GLDC: variants seen among roughly 807,000 people sequenced by gnomAD.
GLDC encodes glycine decarboxylase.
Under a neutral mutation model 121.3 loss-of-function variants are expected in GLDC, and 104 were observed. The ratio of observed to expected loss-of-function variants is 0.86; its 90% CI spans 0.73 to 1.01. The LOEUF is 1.01. GLDC is among the 50% of genes least tolerant of loss of function. The pLI is 0.00. For missense variants in GLDC, 1,429 were observed against 1,306.6 expected (o/e 1.09, Z -1.44); for synonymous variants, 546 against 480.6 (o/e 1.14, Z -1.78).
At chr9:6,538,285 G>A (rs745610977) in intron 22 of GLDC, among the ~76,000 whole-genome samples, 4 of 152,070 alleles carry the variant, frequency 2.6e-5, no homozygotes, top group Non-Finnish European at 5.9e-5. Context: ...GGAAGTCCAA[G>A]GTAGGGTCCA....
At position 6,581,339 on chromosome 9, in the gene GLDC, A is replaced by C. The variant is rs566919213; in HGVS notation, c.1850+5802T>G. Among the ~76,000 whole-genome samples the C allele has an allele frequency of 1.8e-4, 28 of 152,232 alleles. No individual in the cohort carries two copies. In the South Asian group the frequency reaches 5.4e-3, roughly 29 times the overall value. On this transcript the variant is annotated intron_variant, in intron 15 of 24. Coordinates refer to ENST00000321612, the MANE Select transcript of GLDC (RefSeq NM_000170.3). ...ATGGTGATAACCTGGTCACTAATAC[A>C]ACCTTTTCCAGCTTTCCTCACTTCC...
intron 16 of GLDC, among the ~76,000 whole-genome samples, chr9:6,563,760 T>C (rs1028027852): frequency 2.0e-5 from 3 of 152,204 alleles, no homozygotes; most frequent in African/African-American, 7.2e-5. Context: ...TTCACTTCTC[T>C]CTGGACTGGC....
intron 15 of GLDC, among the ~76,000 whole-genome samples, chr9:6,566,261 T>G (rs1227140060): frequency 6.6e-6 from 1 of 152,140 alleles, no homozygotes; most frequent in Non-Finnish European, 1.5e-5. Flanking sequence ...AATAAATAAC[T>G]ACAAACACAA....
At chr9:6,581,023 C>T (rs1199025957) in intron 15 of GLDC, among the ~76,000 whole-genome samples, 1 of 152,224 alleles carries the variant, frequency 6.6e-6, no homozygotes, top group East Asian at 1.9e-4. Flanking sequence ...ACTCAAGCAT[C>T]TCTGCCTCTC....
intron 24 of GLDC, 145 bp downstream of exon 24, chr9:6,534,563 T>C (rs2129644519): frequency 1.5e-6 from 1 of 653,184 alleles, no homozygotes; most frequent in South Asian, 1.6e-5. Context: ...CCAATTTCTT[T>C]GCTCCTCATT....
At position 6,536,214 on chromosome 9, in the gene GLDC, G is replaced by A; in HGVS notation, c.2688C>T (p.Ser896=). The A allele has an allele frequency of 6.2e-7, 1 of 1,613,960 alleles. No homozygotes were observed. Among genetic ancestry groups the A allele is most frequent in the Non-Finnish European group, 8.5e-7 (1 of 1,179,946 alleles). The change falls in exon 23 of 25, where the codon TCC becomes TCT. Residue 896 remains serine, a synonymous_variant. Transcript: ENST00000321612. ...QDYGFHAPTM[S]WPVAGTLMVE... is the part of the protein sequence containing the mutation. ...CCATGAGGGTCCCTGCCACAGGCCA[G>A]GACATGGTAGGGGCGTGAAATCCTG...
rs993822316 is a variant in GLDC, at chr9:6,553,368, C to T, written c.2457G>A (p.Lys819=). ...SILPISWAYI[K]MMGGKGLKQA... ...ACCTGCACATACTCCCAGGCCTCAC[C>T]TTGATATAAGCCCAGGAAATGGGCA... is the stretch of plus-strand genomic sequence containing the variant. The change falls in exon 20 of 25, where the codon AAG becomes AAA. Residue 819 remains lysine, a splice_region_variant and synonymous_variant. Transcript: ENST00000321612. The T allele has an allele frequency of 1.2e-6, 2 of 1,614,054 alleles. No homozygotes were observed. The highest frequency in any genetic ancestry group is 1.7e-6 in the Non-Finnish European group (2 of 1,179,980).
At chr9:6,549,147 A>G (rs572912513) in intron 21 of GLDC, among the ~76,000 whole-genome samples, 1 of 152,354 alleles carries the variant, frequency 6.6e-6, no homozygotes, top group East Asian at 1.9e-4. Flanking sequence ...ACCTCAGTAA[A>G]AGCAGAAAAA....
intron 7 of GLDC, among the ~76,000 whole-genome samples, 171 bp from the exon 8 acceptor site, chr9:6,602,376 G>T (rs10975675): frequency 2.0e-3 from 294 of 150,604 alleles, no homozygotes; most frequent in African/African-American, 6.3e-3. Flanking sequence ...CATGATTACT[G>T]ATTTTTTTTT....
chr9:6,643,022 G>A (rs922644720), intron 2 of GLDC, among the ~76,000 whole-genome samples: 2 of 151,786 alleles, frequency 1.3e-5, no homozygotes, highest in African/African-American at 4.8e-5. Context: ...ATTAGCCTCC[G>A]GAGTAGCTGG....
intron 15 of GLDC, chr9:6,565,698 G>C: frequency 5.1e-6 from 3 of 591,692 alleles, no homozygotes; most frequent in Non-Finnish European, 9.0e-6. Context: ...TCAGGACCAC[G>C]CATTGAAAAT....
intron 24 of GLDC, 104 bp from the exon 25 acceptor site, chr9:6,533,264 C>G (rs180910721): frequency 1.0e-6 from 1 of 954,826 alleles, no homozygotes; most frequent in Non-Finnish European, 1.7e-6. Flanking sequence ...CACCATCAGC[C>G]CAGCAAATAT....
At chr9:6,562,560 T>TA (rs1324871062) in intron 16 of GLDC, among the ~76,000 whole-genome samples, 1 of 152,080 alleles carries the variant, frequency 6.6e-6, no homozygotes, top group Non-Finnish European at 1.5e-5. Flanking sequence ...TGGCTTTAAT[T>TA]AAAAAAAATT....
intron 3 of GLDC, among the ~76,000 whole-genome samples, chr9:6,617,925 T>C (rs980868481): frequency 1.3e-5 from 2 of 152,230 alleles, no homozygotes; most frequent in Non-Finnish European, 1.5e-5. Flanking sequence ...TTCCCTTAAG[T>C]AAAGTTGGTT....
chr9:6,596,102 T>C (rs1818489845), intron 8 of GLDC, among the ~76,000 whole-genome samples: 1 of 152,178 alleles, frequency 6.6e-6, no homozygotes, highest in Non-Finnish European at 1.5e-5. Flanking sequence ...CACAGCACTT[T>C]ACAGCTGTGG....
chr9:6,555,108 A>G (rs887731422), intron 18 of GLDC, among the ~76,000 whole-genome samples: 6 of 152,252 alleles, frequency 3.9e-5, no homozygotes, highest in Non-Finnish European at 8.8e-5. Flanking sequence ...AACACAAGAA[A>G]GGGCAGAACC....
chr9:6,581,456 T>C (rs966398816), intron 15 of GLDC, among the ~76,000 whole-genome samples: 5 of 152,218 alleles, frequency 3.3e-5, no homozygotes, highest in Admixed American at 1.3e-4. Context: ...GGGTCTGATT[T>C]TGGGAAACCC....
intron 24 of GLDC, chr9:6,534,314 C>A (rs557318597): frequency 6.5e-5 from 18 of 275,388 alleles, no homozygotes; most frequent in South Asian, 3.2e-4. Context: ...CAGCACATAG[C>A]ATAATTTGGC....
At chr9:6,643,281 A>G (rs1819664941) in intron 2 of GLDC, among the ~76,000 whole-genome samples, 1 of 151,900 alleles carries the variant, frequency 6.6e-6, no homozygotes, top group African/African-American at 2.4e-5. Context: ...TCAGCAAAAC[A>G]TGCAGGTTTT....
Sources: gnomAD v4.1 joint callset for allele counts (sites outside exome capture counted in the v4.1 genomes callset) on GRCh38, gnomAD v4.1.1 for gene constraint, MANE v1.5 for transcripts, NCBI Gene and HGNC (gene_info 2026-07-23, HGNC 2026-07-21) for gene names.